Variants in SHLD2 observed in about 807,000 individuals in gnomAD.
The protein encoded by SHLD2 is shieldin complex subunit 2, also known as RINN1-REV7-interacting novel NHEJ regulator 2.
In SHLD2, 30 loss-of-function variants were observed where a neutral mutation model predicts 73.2. That is an observed-to-expected ratio of 0.41 (90% CI 0.31 to 0.56). The LOEUF is 0.56. Ranked by LOEUF, SHLD2 falls within the 20% of genes least tolerant of loss-of-function variation. The pLI is 0.28. For synonymous variants in SHLD2, 285 were observed against 370.1 expected (o/e 0.77, Z 2.64); for missense variants, 745 against 1,055.9 (o/e 0.71, Z 4.08).
intron 3 of SHLD2, among the ~76,000 whole-genome samples, chr10:87,155,955 GA>G (rs960156741): frequency 2.0e-5 from 3 of 151,024 alleles, no homozygotes; most frequent in Admixed American, 6.6e-5. Flanking sequence ...GAAATGTTGG[GA>G]AAAAAAAGAA....
At chr10:87,182,548 G>A (rs1404123281) in intron 8 of SHLD2, among the ~76,000 whole-genome samples, 1 of 152,158 alleles carries the variant, frequency 6.6e-6, no homozygotes. Context: ...TGTTCTTCAA[G>A]CTATCATAAA....
At position 87,158,161 on chromosome 10, in the gene SHLD2, G is replaced by A. The variant is rs1249909261; in HGVS notation, c.1633+6G>A. The A allele has an allele frequency of 6.2e-7, 1 of 1,609,320 alleles. No individual in the cohort carries two copies. Among genetic ancestry groups the A allele is most frequent in the Admixed American group, 1.7e-5 (1 of 59,804 alleles). On this transcript the variant is annotated splice_donor_region_variant and intron_variant, in intron 4 of 9. Coordinates refer to ENST00000298786, the MANE Select transcript of SHLD2 (RefSeq NM_001330112.2). ...ATCTATTCAGCCTGAAGAATGTAAG[G>A]CACATTTTAAATGAAGTAATGTAGT...
chr10:87,134,974 C>G (rs1041783975), intron 2 of SHLD2, among the ~76,000 whole-genome samples: 3 of 152,152 alleles, frequency 2.0e-5, no homozygotes, highest in African/African-American at 7.2e-5. Flanking sequence ...AAACCAAACT[C>G]TGACCGTCGT....
intron 2 of SHLD2, among the ~76,000 whole-genome samples, chr10:87,107,934 A>G (rs917738241): frequency 6.6e-6 from 1 of 151,644 alleles, no homozygotes; most frequent in Non-Finnish European, 1.5e-5. Flanking sequence ...ACCAGGCTGG[A>G]GTGCAGTGGT....
chr10:87,097,254 A>G (rs935271551), intron 2 of SHLD2, among the ~76,000 whole-genome samples: 9 of 152,252 alleles, frequency 5.9e-5, no homozygotes, highest in Admixed American at 5.2e-4. Flanking sequence ...TGACTTGTTC[A>G]CCTGAATTCA....
chr10:87,156,910 C>A lies in SHLD2; in HGVS notation c.1526-1138C>A, dbSNP rs566719258. Among the ~76,000 whole-genome samples the A allele has an allele frequency of 3.3e-5, 5 of 152,224 alleles. No individual in the cohort carries two copies. The South Asian group carries it at 1.0e-3, about 32-fold the overall frequency. On this transcript the variant is annotated intron_variant, in intron 3 of 9. Transcript: ENST00000298786. Reference sequence around the variant, plus strand: ...CTCATTAATGCTCTGATGAATGACTCATTAGCATTGTAAGAAATGGGTTGC... The same window carrying A: ...CTCATTAATGCTCTGATGAATGACTAATTAGCATTGTAAGAAATGGGTTGC...
intron 2 of SHLD2, among the ~76,000 whole-genome samples, chr10:87,142,700 G>C (rs376665924): frequency 6.6e-6 from 1 of 151,990 alleles, no homozygotes; most frequent in East Asian, 1.9e-4. Context: ...TAGTGGAGTT[G>C]TTATTTGCTG....
chr10:87,162,463 G>A (rs1463544363), intron 4 of SHLD2, among the ~76,000 whole-genome samples: 2 of 152,156 alleles, frequency 1.3e-5, no homozygotes, highest in African/African-American at 4.8e-5. Context: ...GAAAGCTGAG[G>A]TGGGAGAATC....
At chr10:87,124,746 GTT>G (rs201784628) in intron 2 of SHLD2, among the ~76,000 whole-genome samples, 36,352 of 129,056 alleles carry the variant, frequency 0.28, 4,375 homozygotes, top group East Asian at 0.68. Flanking sequence ...TAAAAAAATT[GTT>G]TTTTTTTTTT....
chr10:87,105,622 A>T (rs1384416157), intron 2 of SHLD2, among the ~76,000 whole-genome samples: 1 of 152,246 alleles, frequency 6.6e-6, no homozygotes, highest in Non-Finnish European at 1.5e-5. Context: ...TTCCATTGAC[A>T]GTCCAAGGAC....
intron 2 of SHLD2, among the ~76,000 whole-genome samples, chr10:87,141,073 AATTGGAG>A (rs1845158309): frequency 2.0e-5 from 3 of 151,828 alleles, no homozygotes; most frequent in African/African-American, 7.3e-5. Flanking sequence ...TGAGCCCAGA[AATTGGAG>A]ACAAGCCTGG....
chr10:87,122,162 C>T (rs1589474538), intron 2 of SHLD2, among the ~76,000 whole-genome samples: 2 of 128,552 alleles, frequency 1.6e-5, no homozygotes, highest in Non-Finnish European at 1.6e-5. Flanking sequence ...TTGTCTTTCT[C>T]CACTGACTGT....
At position 87,175,350 on chromosome 10, in the gene SHLD2, C is replaced by T. The variant is rs189796790; in HGVS notation, c.1964-539C>T. On this transcript the variant is annotated intron_variant, in intron 6 of 9. Coordinates refer to ENST00000298786, the MANE Select transcript of SHLD2 (RefSeq NM_001330112.2). The stretch of plus-strand genomic sequence containing the variant: ...GCAGTTGGTTATTATAAATGATGAC[C>T]GTTCAGGAGGGCAAGGAATCTTTAG... 6.7e-4 allele frequency among the ~76,000 whole-genome samples: 102 copies of T among 151,280 alleles called. 1 individual carries two copies. The East Asian group carries it at 0.016, about 23-fold the overall frequency.
chr10:87,157,389 T>C (rs4478898), intron 3 of SHLD2, among the ~76,000 whole-genome samples: 103,477 of 151,922 alleles, frequency 0.68, 35,994 homozygotes, highest in Middle Eastern at 0.89. Flanking sequence ...TAGAGATAGC[T>C]CCCTTCCCCT....
intron 2 of SHLD2, among the ~76,000 whole-genome samples, chr10:87,100,831 AT>A (rs1371012224): frequency 8.6e-5 from 13 of 150,340 alleles, no homozygotes; most frequent in East Asian, 5.8e-4. Context: ...AGTCTTCCAA[AT>A]TTTTTTTTTC....
rs182042865 is a variant in SHLD2, at chr10:87,167,290, T to C, written c.1634-3188T>C. ...GAACTAATTAGATAATCTTTAGAAG[T>C]TACTTCACAATCTTTGTTTTTACAC... On this transcript the variant is annotated intron_variant, in intron 4 of 9. Transcript: ENST00000298786. Among the ~76,000 whole-genome samples, 700 of 152,348 alleles carry C rather than the reference T, an allele frequency of 4.6e-3. 5 individuals carry two copies. The highest frequency in any genetic ancestry group is 0.016 in the African/African-American group (660 of 41,584).
intron 2 of SHLD2, among the ~76,000 whole-genome samples, chr10:87,129,779 C>T (rs1844297532): frequency 1.3e-5 from 2 of 151,700 alleles, no homozygotes; most frequent in South Asian, 4.2e-4. Context: ...CACCGCCAAA[C>T]CTAGCTAACT....
At chr10:87,145,805 G>T (rs2134268523) in intron 2 of SHLD2, among the ~76,000 whole-genome samples, 1 of 150,224 alleles carries the variant, frequency 6.7e-6, no homozygotes, top group African/African-American at 2.5e-5. Context: ...TGCAGATTGA[G>T]AAATTGTATA....
At chr10:87,117,600 C>T (rs1843332381) in intron 2 of SHLD2, among the ~76,000 whole-genome samples, 1 of 152,150 alleles carries the variant, frequency 6.6e-6, no homozygotes, top group South Asian at 2.1e-4. Flanking sequence ...TTGAAACCAG[C>T]CTGGGCAACA....
Sources: allele counts gnomAD v4.1 joint callset (sites outside exome capture counted in the v4.1 genomes callset), GRCh38; gene constraint gnomAD v4.1.1; transcripts MANE v1.5; gene names NCBI Gene and HGNC (gene_info 2026-07-23, HGNC 2026-07-21).